The following CHIC1 variants were observed in gnomAD, a reference collection of about 807,000 sequenced individuals.
CHIC1 encodes cysteine rich hydrophobic domain 1.
CHIC1 carries 7 observed loss-of-function variants against 18.5 expected under a neutral mutation model. The observed-to-expected ratio is 0.38, with a 90% CI of 0.22 to 0.71. The LOEUF (loss-of-function observed/expected upper bound fraction) is 0.71. Among genes scored for constraint, CHIC1 ranks in the 30% least tolerant of loss-of-function variants. The pLI is 0.49. For missense variants in CHIC1, 159 were observed against 176.9 expected, an observed-to-expected ratio of 0.90 and a Z score of 0.57; for synonymous variants, 77 against 73.5, an observed-to-expected ratio of 1.05 and a Z score of -0.25.
chrX:73,640,596 T>C (rs1234719710), intron 3 of CHIC1, among the ~76,000 whole-genome samples: 1 of 111,831 alleles, frequency 8.9e-6, no homozygotes, highest in Non-Finnish European at 1.9e-5. Flanking sequence ...TGAGTGTGTG[T>C]AGGAATTTGT....
intron 3 of CHIC1, among the ~76,000 whole-genome samples, chrX:73,624,670 A>G (rs2057775564): frequency 8.9e-6 from 1 of 112,143 alleles, no homozygotes; most frequent in Non-Finnish European, 1.9e-5. Flanking sequence ...CCAAGAGAGT[A>G]CCACCACATG....
At chrX:73,564,233 T>G (rs1435492104) in intron 1 of CHIC1, among the ~76,000 whole-genome samples, 3 of 111,474 alleles carry the variant, frequency 2.7e-5, no homozygotes, top group South Asian at 3.8e-4. Context: ...CTTTTTCTCA[T>G]TTCTGCGCCT....
Position 73,663,726 on chromosome X carries a change from A to T in CHIC1, c.508-15600A>T, listed in dbSNP as rs1205233423. ...TCTGATCAGTGATTAATTGGTTCAG[A>T]TATACTCCTGTGGCTCCCGTGCTTC... On this transcript the variant is annotated intron_variant, in intron 3 of 5. Coordinates refer to ENST00000373502, the MANE Select transcript of CHIC1 (RefSeq NM_001039840.4). Among the ~76,000 whole-genome samples the T allele has an allele frequency of 2.7e-5, 3 of 111,107 alleles. No individual in the cohort carries two copies. In the East Asian group the frequency reaches 8.5e-4, roughly 32 times the overall value.
chrX:73,673,002 G>A (rs1357301034), intron 3 of CHIC1, among the ~76,000 whole-genome samples: 4 of 111,733 alleles, frequency 3.6e-5, no homozygotes, highest in Non-Finnish European at 5.6e-5. Context: ...AGTTTTCCCA[G>A]CACCATTTAT....
intron 3 of CHIC1, among the ~76,000 whole-genome samples, chrX:73,596,577 C>G (rs1425558374): frequency 9.0e-6 from 1 of 111,239 alleles, no homozygotes; most frequent in African/African-American, 3.3e-5. Flanking sequence ...CAAGACAATA[C>G]TAAGGAAAAA....
chrX:73,625,152 A>G (rs1252990772), intron 3 of CHIC1, among the ~76,000 whole-genome samples: 1 of 110,610 alleles, frequency 9.0e-6, no homozygotes, highest in African/African-American at 3.3e-5. Context: ...AAAGCCTCTC[A>G]ATTTTGCAAG....
chrX:73,575,560 G>T (rs2057493275), intron 1 of CHIC1, among the ~76,000 whole-genome samples: 1 of 109,974 alleles, frequency 9.1e-6, no homozygotes, highest in Non-Finnish European at 1.9e-5. Context: ...ATAGGCAATT[G>T]TAACACAATG....
intron 3 of CHIC1, among the ~76,000 whole-genome samples, chrX:73,615,601 CAAT>C (rs1161680441): frequency 1.8e-5 from 2 of 110,980 alleles, no homozygotes; most frequent in Non-Finnish European, 3.8e-5. Context: ...TCTCAGGTGT[CAAT>C]GATGGTATTG....
chrX:73,655,507 C>CAT lies in CHIC1; in HGVS notation c.508-23813_508-23812dup, dbSNP rs1236995183. ...ACACAATATTGTGTATATATATATA[C>CAT]ATATATACACAATATTGTGTATATA... On this transcript the variant is annotated intron_variant, in intron 3 of 5. Coordinates refer to ENST00000373502, the MANE Select transcript of CHIC1 (RefSeq NM_001039840.4). Among the ~76,000 whole-genome samples the CAT allele has an allele frequency of 2.6e-3, 173 of 66,097 alleles. 7 individuals carry two copies. The highest frequency in any genetic ancestry group is 3.8e-3 in the Non-Finnish European group (138 of 36,186). 57.4% of individuals were successfully genotyped at this position (66,097 alleles called of 115,157 possible).
At chrX:73,615,224 C>G (rs145295995) in intron 3 of CHIC1, among the ~76,000 whole-genome samples, 4 of 111,347 alleles carry the variant, frequency 3.6e-5, no homozygotes, top group African/African-American at 9.8e-5. Flanking sequence ...GATGACAACA[C>G]TATGTAAGCC....
rs1456280550 is a variant in CHIC1 at position 73,584,513 on chromosome X, C to G, written c.448C>G (p.Leu150Val). 1 of 1,167,932 alleles carries G rather than the reference C, an allele frequency of 8.6e-7. No individual in the cohort carries two copies. ...TGTGAAATGGCTGCTGTGTGGTTGT[C>G]TCTGCTGCTGTTGCACACTGGGTTG... ...VNVKWLLCGC[L>V]CCCCTLGCSL... Residue 150 changes from leucine (L) to valine (V), a missense_variant, in exon 3 of 6, where the codon CTC (leucine) becomes GTC (valine). Leu to Val is a conservative substitution (Grantham distance 32). Coordinates refer to ENST00000373502, the MANE Select transcript of CHIC1 (RefSeq NM_001039840.4).
At chrX:73,616,376 C>A (rs1384543816) in intron 3 of CHIC1, among the ~76,000 whole-genome samples, 1 of 111,443 alleles carries the variant, frequency 9.0e-6, no homozygotes, top group African/African-American at 3.3e-5. Context: ...CACAGGCTGG[C>A]GTTGAATGTC....
At chrX:73,598,812 A>G (rs1426860782) in intron 3 of CHIC1, among the ~76,000 whole-genome samples, 24 of 110,758 alleles carry the variant, frequency 2.2e-4, no homozygotes, top group Non-Finnish European at 3.6e-4. Flanking sequence ...GTGTCTTTAT[A>G]GCAACATGAT....
At chrX:73,623,371 A>T (rs183860925) in intron 3 of CHIC1, among the ~76,000 whole-genome samples, 83 of 110,717 alleles carry the variant, frequency 7.5e-4, no homozygotes, top group Admixed American at 2.6e-3. Context: ...TTGCTCCTGT[A>T]TTGGGTGCAT....
chrX:73,666,582 A>G (rs1329837282), intron 3 of CHIC1, among the ~76,000 whole-genome samples: 1 of 112,210 alleles, frequency 8.9e-6, no homozygotes, highest in Non-Finnish European at 1.9e-5. Context: ...TCTTTTGGCA[A>G]CACCATCACA....
chrX:73,659,719 C>A (rs2057970458), intron 3 of CHIC1, among the ~76,000 whole-genome samples: 1 of 111,477 alleles, frequency 9.0e-6, no homozygotes, highest in Non-Finnish European at 1.9e-5. Flanking sequence ...TAGTGCAAAT[C>A]AGGCACTGAT....
chrX:73,654,382 T>A (rs960535528), intron 3 of CHIC1, among the ~76,000 whole-genome samples: 3 of 112,109 alleles, frequency 2.7e-5, no homozygotes, highest in Admixed American at 9.5e-5. Flanking sequence ...CTGGGATAAA[T>A]CCCACTTGAT....
chrX:73,570,142 A>G (rs2057463922), intron 1 of CHIC1, among the ~76,000 whole-genome samples: 1 of 111,751 alleles, frequency 8.9e-6, no homozygotes, highest in African/African-American at 3.2e-5. Flanking sequence ...AGCAAGGAAT[A>G]AAAGACAACA....
In CHIC1 at chrX:73,596,352, A is replaced by C. The variant is rs778501110; in HGVS notation, c.507+11780A>C. On this transcript the variant is annotated intron_variant, in intron 3 of 5. Transcript: ENST00000373502. ...GAAGGACCTCTTTAGTGAGAGCTAC[A>C]AACCACTCCTCAAGGAAATGGGAGA... 8.1e-5 allele frequency among the ~76,000 whole-genome samples: 9 copies of C among 111,484 alleles called. No individual in the cohort carries two copies. In the South Asian group the frequency reaches 1.9e-3, roughly 23 times the overall value.
Sources: gnomAD v4.1 joint callset for allele counts (sites outside exome capture counted in the v4.1 genomes callset) on GRCh38, gnomAD v4.1.1 for gene constraint, MANE v1.5 for transcripts, NCBI Gene and HGNC (gene_info 2026-07-23, HGNC 2026-07-21) for gene names.